MADD: variants seen among roughly 807,000 people sequenced by gnomAD.
MADD encodes MAP kinase-activating death domain protein.
A neutral mutation model predicts 176.7 loss-of-function variants in MADD; 109 were observed. The ratio of observed to expected loss-of-function variants is 0.62; its 90% CI spans 0.53 to 0.72. The LOEUF (loss-of-function observed/expected upper bound fraction) is 0.72. Among genes scored for constraint, MADD ranks in the 30% least tolerant of loss-of-function variants. MADD has a pLI of 0.00. For synonymous variants in MADD, 771 were observed against 771.3 expected (o/e 1.00, Z 0.01); for missense variants, 1,914 against 2,045.5 (o/e 0.94, Z 1.24).
intron 19 of MADD, among the ~76,000 whole-genome samples, chr11:47,291,663 C>T (rs184181724): frequency 6.6e-6 from 1 of 152,290 alleles, no homozygotes; most frequent in East Asian, 1.9e-4. Flanking sequence ...CTGGCTTTCT[C>T]CTGCCTCATG....
At chr11:47,313,800 C>A (rs1384973074) in intron 26 of MADD, among the ~76,000 whole-genome samples, 9 of 151,922 alleles carry the variant, frequency 5.9e-5, no homozygotes, top group African/African-American at 9.7e-5. Flanking sequence ...CACTCTGTCA[C>A]CCGGGCTGGA....
intron 27 of MADD, among the ~76,000 whole-genome samples, chr11:47,320,742 G>A (rs1232617114): frequency 6.6e-6 from 1 of 151,836 alleles, no homozygotes; most frequent in Non-Finnish European, 1.5e-5. Context: ...GGCAACATAG[G>A]GAAACCCCGT....
intron 20 of MADD, among the ~76,000 whole-genome samples, chr11:47,295,093 C>T (rs1373897301): frequency 1.3e-5 from 2 of 151,934 alleles, no homozygotes; most frequent in Non-Finnish European, 2.9e-5. Context: ...TCACTGCAGC[C>T]TCAAACTCCT....
At chr11:47,287,927 A>G (rs774730117) in intron 15 of MADD, among the ~76,000 whole-genome samples, 6 of 151,048 alleles carry the variant, frequency 4.0e-5, no homozygotes, top group Non-Finnish European at 7.4e-5. Flanking sequence ...AGCCGGGACT[A>G]TAGGAGCCTG....
rs748951315 is a variant in MADD at position 47,285,211 on chromosome 11, C to A, written c.2411+17C>A. 2.2e-5 allele frequency: 35 copies of A among 1,611,682 alleles called. No individual in the cohort carries two copies. The highest frequency in any genetic ancestry group is 2.9e-5 in the Non-Finnish European group (34 of 1,179,330). On this transcript the variant is annotated intron_variant, in intron 13 of 32. Transcript: ENST00000402192. ...TGGCAATCGGTGAGAGCCTGGGCAT[C>A]CCTTCTAGATGGGTGACTGAAGGAC...
chr11:47,285,261 G>A lies in MADD; in HGVS notation c.2411+67G>A, dbSNP rs934740237. On this transcript the variant is annotated intron_variant, in intron 13 of 32. Coordinates refer to ENST00000402192, the Ensembl canonical transcript of MADD. ...CCTCACCTCAGTGGACCCTGGGCAA[G>A]GGTTAATCAGAAAGTCTGAGAAGTC... The A allele has an allele frequency of 8.2e-6, 13 of 1,578,982 alleles. No homozygotes were observed. The African/African-American group carries it at 1.3e-4, about 16-fold the overall frequency.
rs374380766 is a variant in MADD at position 47,282,365 on chromosome 11, T to G, written c.1470-16T>G. 4 of 1,609,206 alleles carry G rather than the reference T, an allele frequency of 2.5e-6. No homozygotes were observed. In the South Asian group the frequency reaches 3.3e-5, roughly 13 times the overall value. ...ACCCTATGGGTCTCAGATTATCTCA[T>G]CATCTGCTTCCCCAGGGTTGCCATG... On this transcript the variant is annotated splice_polypyrimidine_tract_variant and intron_variant, in intron 8 of 32. Transcript: ENST00000402192.
rs1181636410 is a variant in MADD at position 47,283,018 on chromosome 11, C to A, written c.1862+49C>A. The A allele has an allele frequency of 6.3e-6, 10 of 1,579,510 alleles. No homozygotes were observed. In the Admixed American group the frequency reaches 1.7e-4, roughly 27 times the overall value. On this transcript the variant is annotated intron_variant, in intron 10 of 32. Transcript: ENST00000402192. ...AAGGTTTTAAAGGTGAGGAGGCTCT[C>A]ACTAGCCCTTCTTTAGCACAGAGAA...
At chr11:47,304,772 T>A (rs1387401231) in intron 22 of MADD, among the ~76,000 whole-genome samples, 1 of 152,218 alleles carries the variant, frequency 6.6e-6, no homozygotes, top group Non-Finnish European at 1.5e-5. Flanking sequence ...TACCAAAGAG[T>A]TATTATGTTC....
rs143481066 is a variant in MADD, at chr11:47,273,892, A to T, written c.-23A>T. The T allele has an allele frequency of 1.3e-4, 202 of 1,610,418 alleles. No individual in the cohort carries two copies. In the East Asian group the frequency reaches 4.3e-3, roughly 35 times the overall value. On this transcript the variant is annotated 5_prime_UTR_variant, in exon 2 of 33. An upstream open reading frame in the 5' UTR loses its in-frame stop. Transcript: ENST00000402192. ...TGCTTGGTGCCCTGATGCTTCTCTG[A>T]GATAAACTGATGAATTGGAACCATG...
chr11:47,295,150 G>A (rs192182231), intron 20 of MADD, among the ~76,000 whole-genome samples: 162 of 151,610 alleles, frequency 1.1e-3, no homozygotes, highest in Non-Finnish European at 1.0e-3. Context: ...ATCTGGGACC[G>A]CAGGCACCCA....
exon 17 of MADD, chr11:47,289,996 G>A (rs780773918): frequency 2.5e-6 from 4 of 1,614,210 alleles, no homozygotes; most frequent in Non-Finnish European, 3.4e-6. Context: ...TCCTGAGCAA[G>A]CTGAACCGCA....
At chr11:47,281,921 A>G (rs925081824) in intron 8 of MADD, among the ~76,000 whole-genome samples, 168 bp downstream of exon 8, 68 of 125,388 alleles carry the variant, frequency 5.4e-4, no homozygotes, top group African/African-American at 2.0e-3. Flanking sequence ...TGCAACTTCC[A>G]CCTCCCGGGT....
chr11:47,297,477 C>A (rs1403800848), intron 22 of MADD, among the ~76,000 whole-genome samples: 2 of 148,530 alleles, frequency 1.3e-5, no homozygotes, highest in South Asian at 2.1e-4. Flanking sequence ...GATGGAGTCT[C>A]GCTGTGTCAC....
exon 33 of MADD, chr11:47,329,277 G>A: frequency 4.0e-6 from 3 of 747,650 alleles, no homozygotes; most frequent in South Asian, 3.0e-5. Context: ...GCCCCCTGCT[G>A]TGGCTTGGTT....
exon 13 of MADD, chr11:47,284,981 T>A: frequency 6.2e-7 from 1 of 1,613,914 alleles, no homozygotes; most frequent in Non-Finnish European, 8.5e-7. Context: ...AAGGCAGCAG[T>A]AGGCGTCTCC....
chr11:47,302,828 GTTTC>G (rs1394634140), intron 22 of MADD, among the ~76,000 whole-genome samples: 1 of 151,956 alleles, frequency 6.6e-6, no homozygotes, highest in Non-Finnish European at 1.5e-5. Context: ...TATGTCCTTT[GTTTC>G]TTCCTCTCAT....
intron 30 of MADD, among the ~76,000 whole-genome samples, chr11:47,326,005 G>T (rs1595616041): frequency 6.6e-6 from 1 of 152,234 alleles, no homozygotes; most frequent in South Asian, 2.1e-4. Context: ...AGACCTCCTG[G>T]TGGAGCTGTG....
intron 27 of MADD, among the ~76,000 whole-genome samples, chr11:47,319,376 G>A (rs187126044): frequency 2.0e-3 from 300 of 152,044 alleles, no homozygotes; most frequent in African/African-American, 7.0e-3. Flanking sequence ...TAAGTGATCC[G>A]TCTGCCTTGG....
Sources: allele counts gnomAD v4.1 joint callset (sites outside exome capture counted in the v4.1 genomes callset), GRCh38; gene constraint gnomAD v4.1.1; transcripts MANE v1.5; gene names NCBI Gene and HGNC (gene_info 2026-07-23, HGNC 2026-07-21).